Variants in CCNB1IP1 observed in about 807,000 individuals in gnomAD.
CCNB1IP1 encodes cyclin B1 interacting protein 1.
CCNB1IP1 carries 14 observed loss-of-function variants against 25.6 expected under a neutral mutation model. That is an observed-to-expected ratio of 0.55 (90% CI 0.36 to 0.85). The LOEUF (loss-of-function observed/expected upper bound fraction) is 0.85. Ranked by LOEUF, CCNB1IP1 falls within the 40% of genes least tolerant of loss-of-function variation. The pLI is 0.01. For missense variants in CCNB1IP1, 278 were observed against 342.4 expected (o/e 0.81, Z 1.48); for synonymous variants, 119 against 116.1 (o/e 1.02, Z -0.16).
rs59034398 is a variant in CCNB1IP1 at position 20,332,026 on chromosome 14, A to ATATTTTT, written c.-431+1227_-431+1228insAAAAATA. On this transcript the variant is annotated intron_variant, in intron 1 of 6. Coordinates refer to ENST00000358932, the MANE Select transcript of CCNB1IP1 (RefSeq NM_021178.5). The stretch of plus-strand genomic sequence containing the variant: ...TATACATATATATATATATATATAT[A>ATATTTTT]TTTTTTTTTTTTTTTTTTTTTTTTT... Among the ~76,000 whole-genome samples, 60 of 40,756 alleles carry ATATTTTT rather than the reference A, an allele frequency of 1.5e-3. 1 individual carries two copies. Among genetic ancestry groups the ATATTTTT allele is most frequent in the South Asian group, 7.5e-3 (5 of 664 alleles). The allele number at this position is 40,756 out of a possible 152,430, so 26.7% of individuals were successfully genotyped here.
chr14:20,315,371 G>A lies in CCNB1IP1; in HGVS notation c.297+856C>T, dbSNP rs144317133. The A allele has an allele frequency of 2.3e-4, 110 of 484,076 alleles. 2 individuals carry two copies. The Middle Eastern group carries it at 2.8e-3, about 12-fold the overall frequency. The allele number at this position is 484,076 out of a possible 1,614,324, so 30.0% of individuals were successfully genotyped here. On this transcript the variant is annotated intron_variant, in intron 5 of 6. Transcript: ENST00000358932. ...GTATAGCCACTTTGGAAGACAATTT[G>A]GCAGTTGCTTACAAAAATAAACATA... is the stretch of plus-strand genomic sequence containing the variant.
At chr14:20,332,588 T>G (rs1340440855) in intron 1 of CCNB1IP1, among the ~76,000 whole-genome samples, 1 of 152,194 alleles carries the variant, frequency 6.6e-6, no homozygotes, top group East Asian at 1.9e-4. Context: ...AGCTGTAAAC[T>G]GTGGCGCTGG....
intron 3 of CCNB1IP1, among the ~76,000 whole-genome samples, chr14:20,326,274 C>G (rs895713491): frequency 3.3e-5 from 5 of 152,174 alleles, no homozygotes; most frequent in Non-Finnish European, 7.3e-5. Context: ...CTAGTTCTAA[C>G]TCACAAAAGT....
intron 4 of CCNB1IP1, among the ~76,000 whole-genome samples, chr14:20,317,313 G>T (rs1566400723): frequency 6.6e-6 from 1 of 152,158 alleles, no homozygotes; most frequent in African/African-American, 2.4e-5. Context: ...GGCTGAGGCA[G>T]GAGACTCGTT....
chr14:20,324,896 C>T (rs1437962036), intron 4 of CCNB1IP1, among the ~76,000 whole-genome samples: 1 of 152,060 alleles, frequency 6.6e-6, no homozygotes, highest in Non-Finnish European at 1.5e-5. Context: ...TCTCTGCTTA[C>T]TAAAACTTCC....
chr14:20,324,501 C>T (rs1294422506), intron 4 of CCNB1IP1, among the ~76,000 whole-genome samples: 4 of 152,038 alleles, frequency 2.6e-5, no homozygotes, highest in African/African-American at 9.7e-5. Flanking sequence ...AAAGAATTTT[C>T]GTCAATCTAT....
At chr14:20,322,687 A>G (rs551973207) in intron 4 of CCNB1IP1, among the ~76,000 whole-genome samples, 1 of 151,102 alleles carries the variant, frequency 6.6e-6, no homozygotes, top group South Asian at 2.1e-4. Flanking sequence ...CAGTGGCACA[A>G]TCGCGGCTTA....
intron 3 of CCNB1IP1, 114 bp from the exon 4 acceptor site, chr14:20,325,767 GGCACGGGT>G (rs1209078335): frequency 4.1e-5 from 6 of 146,428 alleles, no homozygotes; most frequent in African/African-American, 1.6e-4. Flanking sequence ...TGAAAATGCA[GGCACGGGT>G]AAAGAATATA....
intron 6 of CCNB1IP1, among the ~76,000 whole-genome samples, chr14:20,312,386 CT>C (rs1009860978): frequency 1.3e-4 from 19 of 147,214 alleles, no homozygotes; most frequent in South Asian, 2.2e-4. Flanking sequence ...TGCCCCCCAC[CT>C]TTTTTTTTTG....
rs370762429 is a variant in CCNB1IP1, at chr14:20,314,844, C to T, written c.298-1043G>A. ...CGGTGGCTCATGCCTGTAATCCCAG[C>T]ACTTTGGGAGGCAGAGGTGGGCGGA... On this transcript the variant is annotated intron_variant, in intron 5 of 6. Transcript: ENST00000358932. Among the ~76,000 whole-genome samples the T allele has an allele frequency of 3.2e-4, 48 of 152,058 alleles. No homozygotes were observed. In the South Asian group the frequency reaches 1.0e-2, roughly 32 times the overall value.
rs1882491616 is a variant in CCNB1IP1 at position 20,311,744 on chromosome 14, A to G, written c.640T>C (p.Ser214Pro). ...GGTGTATTATCCAAAGGAAACTTGG[A>G]GTTGTTACCTAGGGCAGAAAAAAAG... is the stretch of plus-strand genomic sequence containing the variant. ...GVLGFPLGNN[S>P]KFPLDNTPVR... is the part of the protein sequence containing the mutation. The change falls in exon 7 of 7, where the codon TCC (serine) becomes CCC (proline). Residue 214 changes from serine (S) to proline (P), a missense_variant. Transcript: ENST00000358932. 3.7e-6 allele frequency: 6 copies of G among 1,613,654 alleles called. No individual in the cohort carries two copies.
chr14:20,325,926 T>C (rs1432479186), intron 3 of CCNB1IP1, among the ~76,000 whole-genome samples: 1 of 152,218 alleles, frequency 6.6e-6, no homozygotes, highest in African/African-American at 2.4e-5. Context: ...TATTTTAGTA[T>C]ATATGTCCTT....
intron 5 of CCNB1IP1, chr14:20,315,529 C>A: frequency 1.7e-6 from 2 of 1,189,728 alleles, no homozygotes; most frequent in Non-Finnish European, 2.1e-6. Flanking sequence ...GACAAACATC[C>A]TTAAGAAGTA....
At chr14:20,321,427 G>A (rs1882891426) in intron 4 of CCNB1IP1, among the ~76,000 whole-genome samples, 1 of 151,588 alleles carries the variant, frequency 6.6e-6, no homozygotes, top group Non-Finnish European at 1.5e-5. Context: ...TTCATGAAAT[G>A]TATATTATCG....
In CCNB1IP1 at chr14:20,316,403, A is replaced by C. The variant is rs1345858279; in HGVS notation, c.121T>G (p.Phe41Val). The C allele has an allele frequency of 1.2e-6, 2 of 1,613,834 alleles. No individual in the cohort carries two copies. The highest frequency in any genetic ancestry group is 1.7e-6 in the Non-Finnish European group (2 of 1,179,908). Reference protein sequence around the residue: ...IFCDQHGSGEFSRSPAICPAC... With the variant: ...IFCDQHGSGEVSRSPAICPAC... ...GGACAGATAGCTGGTGAGCGACTAA[A>C]CTCACCACTGCCATGCTGATCACAG... Residue 41 changes from phenylalanine to valine, a missense_variant, in exon 5 of 7, where the codon TTT becomes GTT. Phe to Val is a conservative substitution (Grantham distance 50). Transcript: ENST00000358932.
intron 3 of CCNB1IP1, chr14:20,326,431 G>C (rs767168529): frequency 7.6e-6 from 4 of 526,362 alleles, no homozygotes; most frequent in African/African-American, 5.8e-5. Flanking sequence ...TTCAATTGCA[G>C]GTGTTTGCCC....
intron 5 of CCNB1IP1, 84 bp from the exon 6 acceptor site, chr14:20,313,885 G>A (rs2138840982): frequency 9.6e-7 from 1 of 1,046,116 alleles, no homozygotes; most frequent in South Asian, 2.1e-5. Context: ...AAAAGGAAAA[G>A]AAAGATGCTT....
chr14:20,311,825 C>A, intron 6 of CCNB1IP1, 73 bp from the exon 7 acceptor site: 1 of 880,280 alleles, frequency 1.1e-6, no homozygotes. Context: ...GAGGAATCAT[C>A]AAATATATAT....
chr14:20,328,076 A>G (rs530910080), intron 2 of CCNB1IP1, among the ~76,000 whole-genome samples: 1 of 152,212 alleles, frequency 6.6e-6, no homozygotes, highest in Non-Finnish European at 1.5e-5. Context: ...ACAGAAAAGA[A>G]AGCAGTGGCT....
Sources: gnomAD v4.1 joint callset for allele counts (sites outside exome capture counted in the v4.1 genomes callset) on GRCh38, gnomAD v4.1.1 for gene constraint, MANE v1.5 for transcripts, NCBI Gene and HGNC (gene_info 2026-07-23, HGNC 2026-07-21) for gene names.